The following FHIT variants were observed in gnomAD, a reference collection of about 807,000 sequenced individuals.
FHIT encodes the protein fragile histidine triad diadenosine triphosphatase, also known as bis(5'-adenosyl)-triphosphatase.
Under a neutral mutation model 17.9 loss-of-function variants are expected in FHIT, and 19 were observed. That is an observed-to-expected ratio of 1.06 (90% CI 0.74 to 1.56). The LOEUF is 1.56. FHIT is among the 40% of genes most tolerant of loss of function. The pLI, the probability that FHIT is intolerant of heterozygous loss-of-function variation, is 0.00. For synonymous variants in FHIT, 81 were observed against 69.7 expected (o/e 1.16, Z -0.81); for missense variants, 248 against 189.2 (o/e 1.31, Z -1.82).
At chr3:60,997,559 CT>C (rs1336446394) in intron 3 of FHIT, among the ~76,000 whole-genome samples, 1 of 152,082 alleles carries the variant, frequency 6.6e-6, no homozygotes, top group Non-Finnish European at 1.5e-5. Context: ...AAAACTGGCT[CT>C]AGTTTGCCAG....
chr3:60,121,065 G>C (rs1434538429), intron 5 of FHIT, among the ~76,000 whole-genome samples: 1 of 152,042 alleles, frequency 6.6e-6, no homozygotes, highest in African/African-American at 2.4e-5. Flanking sequence ...AAATCTTCTT[G>C]TGATTTCATT....
At chr3:60,007,538 G>A (rs975175904) in intron 7 of FHIT, among the ~76,000 whole-genome samples, 2 of 152,098 alleles carry the variant, frequency 1.3e-5, no homozygotes, top group African/African-American at 4.8e-5. Flanking sequence ...AAATAAACCG[G>A]AGAAAAAGCT....
chr3:60,845,317 C>A (rs1308137767), intron 3 of FHIT, among the ~76,000 whole-genome samples: 2 of 151,486 alleles, frequency 1.3e-5, no homozygotes, highest in East Asian at 3.9e-4. Flanking sequence ...TAGGAGTAAA[C>A]TAAAAACAAA....
At chr3:60,338,377 T>A (rs1291468177) in intron 5 of FHIT, among the ~76,000 whole-genome samples, 1 of 152,174 alleles carries the variant, frequency 6.6e-6, no homozygotes, top group Non-Finnish European at 1.5e-5. Flanking sequence ...TATTTACTTA[T>A]TTATTTGAGA....
In FHIT at chr3:59,772,069, TC is replaced by T. The variant is rs537987647; in HGVS notation, c.349-19749del. Among the ~76,000 whole-genome samples, 3 of 152,134 alleles carry T rather than the reference TC, an allele frequency of 2.0e-5. No individual in the cohort carries two copies. The South Asian group carries it at 6.2e-4, about 32-fold the overall frequency. On this transcript the variant is annotated intron_variant, in intron 8 of 9. Coordinates refer to ENST00000492590, the MANE Select transcript of FHIT (RefSeq NM_002012.4). ...ACTCGCACAACCTTGACCAGGACAG[TC>T]CCCCTCCACAGTCACTGGCTTGTAT...
intron 5 of FHIT, among the ~76,000 whole-genome samples, chr3:60,431,082 C>G (rs922572131): frequency 2.0e-5 from 3 of 151,860 alleles, no homozygotes; most frequent in Non-Finnish European, 4.4e-5. Context: ...CATTGTGGTG[C>G]GCACCTATGG....
intron 3 of FHIT, among the ~76,000 whole-genome samples, chr3:60,881,473 C>A (rs1553757938): frequency 1.1e-4 from 16 of 152,062 alleles, no homozygotes. Context: ...CTGACAGTGG[C>A]AGAATACATA....
chr3:60,812,175 CTTTTTTT>C (rs34243612), intron 4 of FHIT, among the ~76,000 whole-genome samples: 1 of 137,072 alleles, frequency 7.3e-6, no homozygotes, highest in Non-Finnish European at 1.6e-5. Context: ...AATACAGACT[CTTTTTTT>C]TTTTTTTTTG....
At chr3:60,649,808 C>A (rs529285968) in intron 4 of FHIT, among the ~76,000 whole-genome samples, 55 of 151,846 alleles carry the variant, frequency 3.6e-4, no homozygotes, top group African/African-American at 1.0e-3. Flanking sequence ...GAAAAAAAAA[C>A]CCAGCAATTT....
chr3:59,882,981 T>C (rs1016562553), intron 8 of FHIT, among the ~76,000 whole-genome samples: 5 of 152,198 alleles, frequency 3.3e-5, no homozygotes, highest in African/African-American at 7.2e-5. Context: ...GTGTCCTTAC[T>C]AGGTCAGCAA....
intron 5 of FHIT, among the ~76,000 whole-genome samples, chr3:60,395,273 A>G (rs1265829467): frequency 3.3e-5 from 5 of 152,160 alleles, no homozygotes; most frequent in Admixed American, 2.6e-4. Context: ...CTGCCTGGAC[A>G]CTTTCTATGT....
At chr3:61,166,439 A>C (rs2037841032) in intron 2 of FHIT, among the ~76,000 whole-genome samples, 1 of 152,332 alleles carries the variant, frequency 6.6e-6, no homozygotes, top group South Asian at 2.1e-4. Context: ...GTAGAGTAAA[A>C]TAGACCTGAC....
intron 3 of FHIT, among the ~76,000 whole-genome samples, chr3:60,979,720 T>C (rs762639346): frequency 1.3e-5 from 2 of 152,164 alleles, no homozygotes; most frequent in African/African-American, 2.4e-5. Context: ...ACAAGAATCA[T>C]TGCTCATTCA....
At chr3:60,345,174 T>C (rs1234595224) in intron 5 of FHIT, among the ~76,000 whole-genome samples, 2 of 151,844 alleles carry the variant, frequency 1.3e-5, no homozygotes, top group South Asian at 2.1e-4. Flanking sequence ...AGATGATATA[T>C]GTTGTCCTCC....
At chr3:60,558,088 G>A (rs1176334983) in intron 4 of FHIT, among the ~76,000 whole-genome samples, 1 of 152,042 alleles carries the variant, frequency 6.6e-6, no homozygotes, top group African/African-American at 2.4e-5. Context: ...GGACAGAGTT[G>A]TGTTGGCATC....
At chr3:60,397,460 A>G (rs1204719466) in intron 5 of FHIT, among the ~76,000 whole-genome samples, 2 of 152,164 alleles carry the variant, frequency 1.3e-5, no homozygotes, top group Non-Finnish European at 2.9e-5. Context: ...TCCAGTGAGA[A>G]AGTCTCACAT....
At chr3:60,953,881 T>C (rs1486701086) in intron 3 of FHIT, among the ~76,000 whole-genome samples, 1 of 152,190 alleles carries the variant, frequency 6.6e-6, no homozygotes, top group African/African-American at 2.4e-5. Context: ...TCCATTATAG[T>C]TCTATGAAGA....
intron 5 of FHIT, among the ~76,000 whole-genome samples, chr3:60,181,989 T>G (rs1256456950): frequency 5.3e-5 from 8 of 152,104 alleles, no homozygotes; most frequent in Non-Finnish European, 1.0e-4. Context: ...GATCACAAAA[T>G]CCCTGGTGGG....
chr3:60,171,692 T>C (rs940870677), intron 5 of FHIT, among the ~76,000 whole-genome samples: 1 of 152,178 alleles, frequency 6.6e-6, no homozygotes, highest in African/African-American at 2.4e-5. Context: ...CATGCATTCA[T>C]TTAGTCATTC....
Sources: gnomAD v4.1 joint callset for allele counts (sites outside exome capture counted in the v4.1 genomes callset) on GRCh38, gnomAD v4.1.1 for gene constraint, MANE v1.5 for transcripts, NCBI Gene and HGNC (gene_info 2026-07-23, HGNC 2026-07-21) for gene names.